Variants in OR9Q1 observed in about 807,000 individuals in gnomAD.
OR9Q1 encodes the protein olfactory receptor family 9 subfamily Q member 1, also known as olfactory receptor 9Q1.
For missense variants in OR9Q1, 374 were observed against 378.8 expected (o/e 0.99, Z 0.11); for synonymous variants, 153 against 148.6 (o/e 1.03, Z -0.22).
chr11:58,053,646 A>ATATATATATAATTT (rs1853296745), intron 1 of OR9Q1, among the ~76,000 whole-genome samples: 4 of 143,602 alleles, frequency 2.8e-5, no homozygotes, highest in African/African-American at 1.0e-4. Context: ...ATATATATAA[A>ATATATATATAATTT]TTATATATAT....
At chr11:58,070,162 T>C (rs1046315376) in intron 2 of OR9Q1, among the ~76,000 whole-genome samples, 5 of 149,602 alleles carry the variant, frequency 3.3e-5, no homozygotes, top group Non-Finnish European at 6.0e-5. Context: ...CCACCATGCC[T>C]GCATAATTTT....
chr11:58,156,630 T>C (rs1373813265), intron 2 of OR9Q1, among the ~76,000 whole-genome samples: 1 of 152,212 alleles, frequency 6.6e-6, no homozygotes, highest in Non-Finnish European at 1.5e-5. Flanking sequence ...ATGTATTTTC[T>C]TTATGATAAT....
At chr11:58,034,771 T>TTCCTTCCTTCC (rs1565055149) in intron 1 of OR9Q1, among the ~76,000 whole-genome samples, 1 of 94,470 alleles carries the variant, frequency 1.1e-5, no homozygotes, top group East Asian at 3.5e-4. Context: ...TCCTTCCTTC[T>TTCCTTCCTTCC]TCCTTCCCTC....
intron 2 of OR9Q1, among the ~76,000 whole-genome samples, chr11:58,058,474 T>C (rs1172285496): frequency 1.3e-5 from 2 of 152,164 alleles, no homozygotes; most frequent in African/African-American, 4.8e-5. Flanking sequence ...AGGCAGGTAT[T>C]ATTCCTAAGT....
intron 2 of OR9Q1, among the ~76,000 whole-genome samples, chr11:58,068,223 C>T (rs1263091700): frequency 6.6e-6 from 1 of 151,692 alleles, no homozygotes; most frequent in Non-Finnish European, 1.5e-5. Flanking sequence ...TGGTAGGTGC[C>T]TGTAAATCCA....
At chr11:58,062,278 A>G (rs1365546492) in intron 2 of OR9Q1, among the ~76,000 whole-genome samples, 3 of 152,252 alleles carry the variant, frequency 2.0e-5, no homozygotes, top group Admixed American at 1.3e-4. Flanking sequence ...ACCTGCCTAG[A>G]CAAACAGAGT....
At chr11:58,177,498 G>C (rs1264082789) in intron 2 of OR9Q1, among the ~76,000 whole-genome samples, 2 of 152,136 alleles carry the variant, frequency 1.3e-5, no homozygotes, top group African/African-American at 4.8e-5. Flanking sequence ...AAATAATTTA[G>C]AATAGTGTTT....
At chr11:58,075,577 G>T (rs1300197716) in intron 2 of OR9Q1, 1 of 152,234 alleles carries the variant, frequency 6.6e-6, no homozygotes, top group African/African-American at 2.4e-5. Flanking sequence ...AGGCTTCAGG[G>T]AGCTGCTGGT....
chr11:58,108,803 G>C (rs1005646705), intron 2 of OR9Q1: 1 of 264,000 alleles, frequency 3.8e-6, no homozygotes, highest in Non-Finnish European at 7.5e-6. Context: ...TAGATCAAGG[G>C]GTTCAACATA....
At chr11:58,065,657 C>T (rs2513729) in intron 2 of OR9Q1, among the ~76,000 whole-genome samples, 1 of 151,934 alleles carries the variant, frequency 6.6e-6, no homozygotes, top group Admixed American at 6.6e-5. Flanking sequence ...CATCTTGCCT[C>T]TCATGGCTTT....
chr11:58,180,217 A>G lies in OR9Q1; in HGVS notation c.773A>G (p.Tyr258Cys). ...TTCTTTGGTACCCTCATCTTCATGT[A>G]CTTGAGAGGTAACTCAGATCAGTCT... The part of the protein sequence containing the change: ...SLFFGTLIFM[Y>C]LRGNSDQSSE... Residue 258 changes from tyrosine to cysteine, a missense_variant, in exon 3 of 3, where the codon TAC becomes TGC. Transcript: ENST00000335397. The G allele has an allele frequency of 6.2e-7, 1 of 1,614,092 alleles. No homozygotes were observed. The highest frequency in any genetic ancestry group is 8.5e-7 in the Non-Finnish European group (1 of 1,180,004).
chr11:58,138,935 T>C (rs910866791), intron 2 of OR9Q1, among the ~76,000 whole-genome samples: 3 of 152,080 alleles, frequency 2.0e-5, no homozygotes, highest in Non-Finnish European at 2.9e-5. Context: ...ACCTCTGTAA[T>C]GTGTGGTATA....
At chr11:58,070,089 C>T (rs920585257) in intron 2 of OR9Q1, among the ~76,000 whole-genome samples, 3 of 151,862 alleles carry the variant, frequency 2.0e-5, no homozygotes, top group Non-Finnish European at 4.4e-5. Flanking sequence ...GCAACCTCCA[C>T]CTCCCAGGTT....
chr11:58,163,704 T>C (rs1159830167), intron 2 of OR9Q1, among the ~76,000 whole-genome samples: 1 of 152,218 alleles, frequency 6.6e-6, no homozygotes, highest in African/African-American at 2.4e-5. Flanking sequence ...GCCTTGCCTT[T>C]TCCTAGGTGG....
At chr11:58,082,666 C>T (rs1486224102) in intron 2 of OR9Q1, among the ~76,000 whole-genome samples, 2 of 140,406 alleles carry the variant, frequency 1.4e-5, no homozygotes, top group African/African-American at 2.6e-5. Context: ...TTAATGGGTG[C>T]AGCACACCAG....
chr11:58,084,147 G>A, intron 2 of OR9Q1, among the ~76,000 whole-genome samples: 1 of 151,688 alleles, frequency 6.6e-6, no homozygotes, highest in East Asian at 1.9e-4. Flanking sequence ...GGAGTGTTTT[G>A]TAGTTCTATT....
intron 2 of OR9Q1, among the ~76,000 whole-genome samples, chr11:58,148,371 C>A (rs1854319420): frequency 6.6e-6 from 1 of 152,096 alleles, no homozygotes; most frequent in Non-Finnish European, 1.5e-5. Flanking sequence ...AGCCACAGTG[C>A]TTCAGATAAG....
At chr11:58,174,719 T>C (rs1196277972) in intron 2 of OR9Q1, among the ~76,000 whole-genome samples, 1 of 151,034 alleles carries the variant, frequency 6.6e-6, no homozygotes, top group Non-Finnish European at 1.5e-5. Flanking sequence ...AGAGAAAATT[T>C]TTCCCTTTGT....
intron 2 of OR9Q1, among the ~76,000 whole-genome samples, chr11:58,127,110 C>T (rs1378874723): frequency 6.6e-6 from 1 of 152,084 alleles, no homozygotes; most frequent in Admixed American, 6.6e-5. Context: ...CCACCACGCC[C>T]AGCTTATTTT....
Sources: allele counts gnomAD v4.1 joint callset (sites outside exome capture counted in the v4.1 genomes callset), GRCh38; gene constraint gnomAD v4.1.1; transcripts MANE v1.5; gene names NCBI Gene and HGNC (gene_info 2026-07-23, HGNC 2026-07-21).